Variants in PRRG4 observed in about 807,000 individuals in gnomAD.
The protein encoded by PRRG4 is proline rich and Gla domain 4.
In PRRG4, 12 loss-of-function variants were observed where a neutral mutation model predicts 20.0. The ratio of observed to expected loss-of-function variants is 0.60; its 90% CI spans 0.38 to 0.97. The LOEUF (loss-of-function observed/expected upper bound fraction) is 0.97, where lower values mean the gene tolerates loss of function less well. Among genes scored for constraint, PRRG4 ranks in the 50% least tolerant of loss-of-function variants. The probability of loss-of-function intolerance (pLI) is 0.00; values close to 1 mark genes in which losing one functional copy is unlikely to be tolerated. For synonymous variants in PRRG4, 94 were observed against 96.4 expected, an observed-to-expected ratio of 0.98 and a Z score of 0.15; for missense variants, 199 against 265.1, an observed-to-expected ratio of 0.75 and a Z score of 1.73.
At position 32,836,665 on chromosome 11, in the gene PRRG4, A is replaced by G. The variant is rs1340151897; in HGVS notation, c.111A>G (p.Thr37=). The change falls in exon 3 of 6, where the codon ACA becomes ACG. Residue 37 remains threonine, a synonymous_variant. Coordinates refer to ENST00000257836, the MANE Select transcript of PRRG4 (RefSeq NM_024081.6). ...TTTTCATTACTTTATTAGTGTTTAC[A>G]TCAAAAGAAGAAGCAAACTTTTTCA... The part of the protein sequence containing the change: ...ASKHAGEEVF[T]SKEEANFFIH... 2 of 1,561,788 alleles carry G rather than the reference A, an allele frequency of 1.3e-6. No individual in the cohort carries two copies. Among genetic ancestry groups the G allele is most frequent in the Non-Finnish European group, 1.8e-6 (2 of 1,137,936 alleles).
At chr11:32,837,144 T>G (rs926875548) in intron 3 of PRRG4, among the ~76,000 whole-genome samples, 3 of 152,158 alleles carry the variant, frequency 2.0e-5, no homozygotes, top group African/African-American at 7.2e-5. Flanking sequence ...CAATCATTTA[T>G]GGCGGAGTGA....
At chr11:32,831,818 C>T (rs1308586432) in intron 2 of PRRG4, among the ~76,000 whole-genome samples, 1 of 151,930 alleles carries the variant, frequency 6.6e-6, no homozygotes, top group Non-Finnish European at 1.5e-5. Context: ...GTCAGGAGTT[C>T]GAGACCAGCC....
At chr11:32,836,403 AT>A (rs1851019867) in intron 2 of PRRG4, among the ~76,000 whole-genome samples, 1 of 152,110 alleles carries the variant, frequency 6.6e-6, no homozygotes, top group African/African-American at 2.4e-5. Flanking sequence ...TATTTAAATA[AT>A]TTTTACTTAT....
chr11:32,837,532 GATGATGATGATTATTATTATTATT>G (rs1273458474), intron 3 of PRRG4, among the ~76,000 whole-genome samples: 1 of 111,492 alleles, frequency 9.0e-6, no homozygotes, highest in Non-Finnish European at 1.8e-5. Flanking sequence ...TGATGATGAT[GATGATGATGATTATTATTATTATT>G]ATTATTATTA....
chr11:32,842,482 A>T (rs1851087655), intron 5 of PRRG4, among the ~76,000 whole-genome samples: 1 of 152,180 alleles, frequency 6.6e-6, no homozygotes, highest in African/African-American at 2.4e-5. Flanking sequence ...GCATTTTGGA[A>T]GGCCAAGCCG....
rs1565113844 is a variant in PRRG4 at position 32,837,534 on chromosome 11, TGATG to T, written c.267+714_267+717del. Among the ~76,000 whole-genome samples the T allele has an allele frequency of 4.7e-3, 491 of 104,838 alleles. 3 individuals are homozygous for T. The highest frequency in any genetic ancestry group is 0.01 in the African/African-American group (262 of 25,942). 68.8% of individuals were successfully genotyped at this position (104,838 alleles called of 152,430 possible). A position where few individuals can be genotyped will look rare whatever the true frequency, so the allele number is the denominator to read the frequency against. ...ATGATGATGATGATGATGATGATGA[TGATG>T]ATGATTATTATTATTATTATTATTA... On this transcript the variant is annotated intron_variant, in intron 3 of 5. Transcript: ENST00000257836.
chr11:32,840,044 T>A lies in PRRG4; in HGVS notation c.317-63T>A. ...GTGTTTAGAACCAGGATTAAATTTGTTGAAATCATAGGTGATGCTATATAG... is the reference window on the plus strand; with the variant it reads ...GTGTTTAGAACCAGGATTAAATTTGATGAAATCATAGGTGATGCTATATAG... On this transcript the variant is annotated intron_variant, in intron 4 of 5. Transcript: ENST00000257836. This position sits in a 1 kb window ranked among gnomAD's most constrained non-coding sequence, Gnocchi z 4.1. 2.4e-6 allele frequency: 3 copies of A among 1,246,256 alleles called. No homozygotes were observed. The highest frequency in any genetic ancestry group is 3.5e-6 in the Non-Finnish European group (3 of 860,978). The allele number at this position is 1,246,256 out of a possible 1,614,324, so 77.2% of individuals were successfully genotyped here.
intron 2 of PRRG4, among the ~76,000 whole-genome samples, chr11:32,831,892 G>A (rs1018558181): frequency 2.6e-5 from 4 of 152,098 alleles, no homozygotes; most frequent in African/African-American, 4.8e-5. Flanking sequence ...TTGGTGGCAC[G>A]TGCCTATAAT....
chr11:32,839,015 T>C, intron 4 of PRRG4, 85 bp downstream of exon 4: 1 of 1,012,904 alleles, frequency 9.9e-7, no homozygotes, highest in Non-Finnish European at 1.5e-6. Flanking sequence ...TGAGTTTGGT[T>C]GTTGCGCAAC....
intron 2 of PRRG4, among the ~76,000 whole-genome samples, chr11:32,832,296 A>G (rs1850979838): frequency 6.6e-6 from 1 of 152,174 alleles, no homozygotes; most frequent in Admixed American, 6.5e-5. Context: ...TAAACAGACG[A>G]TCTCCATCAA....
In PRRG4 at chr11:32,830,487, A is replaced by AT. The variant is rs745411497; in HGVS notation, c.-22-12dup. The AT allele has an allele frequency of 1.0e-3, 1,441 of 1,404,376 alleles. 2 individuals are homozygous for AT. Among genetic ancestry groups the AT allele is most frequent in the African/African-American group, 9.9e-3 (660 of 66,546 alleles). 87.0% of individuals were successfully genotyped at this position (1,404,376 alleles called of 1,614,324 possible). On this transcript the variant is annotated intron_variant, in intron 1 of 5. Transcript: ENST00000257836. Reference sequence around the variant, plus strand: ...GAGCTAGGGGCCTTTTTTTTTTAATATTTTTTTTTGTTTGTTTTAGTTTGT... The same window carrying AT: ...GAGCTAGGGGCCTTTTTTTTTTAATATTTTTTTTTTGTTTGTTTTAGTTTGT...
At chr11:32,833,663 C>G (rs1850994542) in intron 2 of PRRG4, among the ~76,000 whole-genome samples, 1 of 152,208 alleles carries the variant, frequency 6.6e-6, no homozygotes. Flanking sequence ...ATTGCTTCAA[C>G]TGGTAGACTT....
chr11:32,837,320 G>A (rs1851029251), intron 3 of PRRG4, among the ~76,000 whole-genome samples: 1 of 151,968 alleles, frequency 6.6e-6, no homozygotes, highest in South Asian at 2.1e-4. Context: ...TGAACCTGAG[G>A]ATACAAAACA....
At position 32,840,304 on chromosome 11, in the gene PRRG4, G is replaced by T; in HGVS notation, c.449+65G>T. On this transcript the variant is annotated intron_variant, in intron 5 of 5. Transcript: ENST00000257836. The surrounding 1 kb of genome is among the most constrained non-coding windows in gnomAD (Gnocchi z 4.1). ...TTCTATATTATTATTTTAACAATGG[G>T]TCAAGCAAATGGCTGCCTATTTTCT... The T allele has an allele frequency of 1.6e-6, 2 of 1,217,138 alleles. No individual in the cohort carries two copies. The highest frequency in any genetic ancestry group is 1.2e-6 in the Non-Finnish European group (1 of 859,702). 75.4% of individuals were successfully genotyped at this position (1,217,138 alleles called of 1,614,324 possible).
chr11:32,843,428 A>G (rs1475624894), intron 5 of PRRG4, among the ~76,000 whole-genome samples: 1 of 151,820 alleles, frequency 6.6e-6, no homozygotes, highest in Non-Finnish European at 1.5e-5. Context: ...TTTTCTATGC[A>G]TATACTATTC....
Position 32,830,576 on chromosome 11 carries a change from T to G in PRRG4, c.47T>G (p.Leu16Arg). Residue 16 changes from leucine to arginine, a missense_variant, in exon 2 of 6, where the codon CTG (leucine) becomes CGG (arginine). Transcript: ENST00000257836. Reference protein sequence around the residue: ...VLLSQLPTVTLGFPHCARGPK... With the variant: ...VLLSQLPTVTRGFPHCARGPK... The stretch of plus-strand genomic sequence containing the variant: ...CTCAGCCAACTGCCCACAGTTACCC[T>G]GGGGTTTCCTCATTGCGCAAGAGGT... 6.2e-7 allele frequency: 1 copy of G among 1,611,616 alleles called. No homozygotes were observed. The highest frequency in any genetic ancestry group is 1.3e-5 in the African/African-American group (1 of 74,860).
Position 32,853,577 on chromosome 11 carries a change from C to T in PRRG4, c.*50C>T. On this transcript the variant is annotated 3_prime_UTR_variant, in exon 6 of 6. Coordinates refer to ENST00000257836, the MANE Select transcript of PRRG4 (RefSeq NM_024081.6). ...AATTTGTGTTATTTGATAGGCCGGG[C>T]ATGGTGGCTCATGCCTGTAATCCCA... is the stretch of plus-strand genomic sequence containing the variant. The T allele has an allele frequency of 2.1e-6, 3 of 1,400,678 alleles. No individual in the cohort carries two copies. Among genetic ancestry groups the T allele is most frequent in the African/African-American group, 2.8e-5 (2 of 71,106 alleles). 86.8% of individuals were successfully genotyped at this position (1,400,678 alleles called of 1,614,324 possible).
Position 32,856,181 on chromosome 11 carries a change from A to G in PRRG4, c.*2654A>G, listed in dbSNP as rs1851226416. On this transcript the variant is annotated 3_prime_UTR_variant, in exon 6 of 6. Coordinates refer to ENST00000257836, the MANE Select transcript of PRRG4 (RefSeq NM_024081.6). ...CTTGCACTGAATCATAATTTGAAAT[A>G]TTTCATGAATTCATTTACTTCTATT... 1 of 152,194 alleles carries G rather than the reference A, an allele frequency of 6.6e-6. No homozygotes were observed. Among genetic ancestry groups the G allele is most frequent in the Admixed American group, 6.5e-5 (1 of 15,276 alleles). The allele number at this position is 152,194 out of a possible 1,614,324, so 9.4% of individuals were successfully genotyped here.
At chr11:32,841,064 T>G (rs1851072739) in intron 5 of PRRG4, among the ~76,000 whole-genome samples, 1 of 143,074 alleles carries the variant, frequency 7.0e-6, no homozygotes, top group Admixed American at 7.1e-5. Flanking sequence ...GTAGAAACAA[T>G]CTTATTAAAA....
Sources: gnomAD v4.1 joint callset for allele counts (sites outside exome capture counted in the v4.1 genomes callset) on GRCh38, gnomAD v4.1.1 for gene constraint, Gnocchi (gnomAD v3.1) non-coding constraint, MANE v1.5 for transcripts, NCBI Gene and HGNC (gene_info 2026-07-23, HGNC 2026-07-21) for gene names.